Variants in AAK1 observed in about 807,000 individuals in gnomAD.
AAK1 encodes the protein AP2-associated protein kinase 1.
Under a neutral mutation model 116.0 loss-of-function variants are expected in AAK1, and 37 were observed. That is an observed-to-expected ratio of 0.32 (90% CI 0.25 to 0.42). The LOEUF is 0.42. AAK1 is among the 10% of genes least tolerant of loss of function. The pLI is 1.00. For missense variants in AAK1, 919 were observed against 1,170.6 expected (o/e 0.79, Z 3.14); for synonymous variants, 458 against 439.9 (o/e 1.04, Z -0.51).
In AAK1 at chr2:69,472,187, G is replaced by T. The variant is rs1674702896; in HGVS notation, c.*3682C>A. ...CTTTCTATTATAAGGTCCTCTCTGA[G>T]AATTTTTTGTGGATTATCCTTTTTA... On this transcript the variant is annotated 3_prime_UTR_variant, in exon 22 of 22. Coordinates refer to ENST00000409085, the MANE Select transcript of AAK1 (RefSeq NM_014911.5). The T allele has an allele frequency of 3.1e-6, 3 of 982,066 alleles. No individual in the cohort carries two copies. The South Asian group carries it at 1.4e-4, about 46-fold the overall frequency. 60.8% of individuals were successfully genotyped at this position (982,066 alleles called of 1,614,324 possible).
chr2:69,507,621 T>A, intron 14 of AAK1, 43 bp from the exon 15 acceptor site: 1 of 1,502,418 alleles, frequency 6.7e-7, no homozygotes, highest in Non-Finnish European at 8.9e-7. Context: ...GATATAAAAG[T>A]TGAACAAAAC....
In AAK1 at chr2:69,458,485, G is replaced by T. The variant is rs2104848050; in HGVS notation, c.*17384C>A. ...GTGAGCCCTACAGAGTTTCATCCTTGTGGATAAGAAGATGTGTACTTGGGA... is the reference window on the plus strand; with the variant it reads ...GTGAGCCCTACAGAGTTTCATCCTTTTGGATAAGAAGATGTGTACTTGGGA... On this transcript the variant is annotated 3_prime_UTR_variant, in exon 22 of 22. Coordinates refer to ENST00000409085, the MANE Select transcript of AAK1 (RefSeq NM_014911.5). The T allele has an allele frequency of 6.5e-6, 1 of 152,744 alleles. No individual in the cohort carries two copies. The highest frequency in any genetic ancestry group is 2.4e-5 in the African/African-American group (1 of 41,558). 9.5% of individuals were successfully genotyped at this position (152,744 alleles called of 1,614,324 possible). A position where few individuals can be genotyped will look rare whatever the true frequency, so the allele number is the denominator to read the frequency against.
At chr2:69,535,012 C>T (rs562208170) in intron 5 of AAK1, among the ~76,000 whole-genome samples, 47 of 152,346 alleles carry the variant, frequency 3.1e-4, no homozygotes, top group African/African-American at 1.0e-3. Flanking sequence ...GCTGTACACA[C>T]GCCAGGGACC....
chr2:69,563,408 A>G (rs1671729664), intron 2 of AAK1, among the ~76,000 whole-genome samples: 2 of 152,252 alleles, frequency 1.3e-5, no homozygotes, highest in African/African-American at 4.8e-5. Flanking sequence ...GAAGCCCATC[A>G]TGGTGCTGAG....
Position 69,471,763 on chromosome 2 carries a change from G to A in AAK1, c.*4106C>T. The A allele has an allele frequency of 1.0e-6, 1 of 985,454 alleles. No homozygotes were observed. The highest frequency in any genetic ancestry group is 1.2e-6 in the Non-Finnish European group (1 of 829,944). The allele number at this position is 985,454 out of a possible 1,614,324, so 61.0% of individuals were successfully genotyped here. A position where few individuals can be genotyped will look rare whatever the true frequency, so the allele number is the denominator to read the frequency against. ...TGCAGATCCCTCCACATCATAGGCT[G>A]TCAGCCCCAAAGATCCCTTCATTCC... On this transcript the variant is annotated 3_prime_UTR_variant, in exon 22 of 22. Transcript: ENST00000409085.
intron 2 of AAK1, among the ~76,000 whole-genome samples, chr2:69,557,302 T>G (rs2001327): frequency 0.043 from 4,782 of 110,562 alleles, 288 homozygotes; most frequent in East Asian, 0.18. Context: ...TCCTATGTAC[T>G]TTTTTTTTTT....
intron 2 of AAK1, among the ~76,000 whole-genome samples, chr2:69,583,624 A>C (rs1329549515): frequency 6.6e-6 from 1 of 152,212 alleles, no homozygotes; most frequent in Non-Finnish European, 1.5e-5. Flanking sequence ...TCATGGCTGA[A>C]AGTCCAAAGA....
chr2:69,496,121 A>G, intron 16 of AAK1, 41 bp from the exon 17 acceptor site: 1 of 1,448,530 alleles, frequency 6.9e-7, no homozygotes, highest in Non-Finnish European at 9.5e-7. Context: ...CAGGAGAGAA[A>G]AAAAGAGAAA....
chr2:69,555,905 G>T (rs1036638414), intron 3 of AAK1, among the ~76,000 whole-genome samples: 2 of 151,834 alleles, frequency 1.3e-5, no homozygotes, highest in Non-Finnish European at 2.9e-5. Flanking sequence ...GTAAAAGAAA[G>T]ATGCTACTCT....
chr2:69,522,454 A>G (rs1669828315), intron 10 of AAK1, among the ~76,000 whole-genome samples: 2 of 152,156 alleles, frequency 1.3e-5, no homozygotes, highest in Admixed American at 6.5e-5. Flanking sequence ...GAACCTGGGC[A>G]AGGGATGTGG....
chr2:69,518,481 A>G (rs4852807), intron 12 of AAK1, among the ~76,000 whole-genome samples: 79,072 of 148,800 alleles, frequency 0.53, 22,370 homozygotes, highest in East Asian at 0.79. Flanking sequence ...GTGCAATGGC[A>G]CGATCTCGGC....
chr2:69,520,526 T>C (rs1000073201), intron 11 of AAK1, among the ~76,000 whole-genome samples: 7 of 151,898 alleles, frequency 4.6e-5, no homozygotes, highest in African/African-American at 1.7e-4. Flanking sequence ...GCCTGGCTAA[T>C]TTTTTGTACT....
chr2:69,514,670 T>C lies in AAK1; in HGVS notation c.1577A>G (p.Gln526Arg), dbSNP rs769133254. The C allele has an allele frequency of 1.2e-6, 2 of 1,613,418 alleles. No individual in the cohort carries two copies. Among genetic ancestry groups the C allele is most frequent in the African/African-American group, 2.7e-5 (2 of 74,932 alleles). Reference protein sequence around the residue: ...PVVSQGGSQQQLMQNFYQQQQ... With the variant: ...PVVSQGGSQQRLMQNFYQQQQ... ...CTGCTGGTAGAAATTCTGCATTAGC[T>C]GCTGTTGAGAGCCTCCTTGGGACAC... The change falls in exon 13 of 22, where the codon CAG becomes CGG. Residue 526 changes from glutamine to arginine, a missense_variant. This residue lies in a region of AAK1 where 214 missense variants were observed against 210.6 expected (regional missense o/e 1.02). Coordinates refer to ENST00000409085, the MANE Select transcript of AAK1 (RefSeq NM_014911.5).
rs148429873 is a variant in AAK1, at chr2:69,600,407, T to A, written c.163+42471A>T. Among the ~76,000 whole-genome samples the A allele has an allele frequency of 2.0e-5, 3 of 152,232 alleles. No individual in the cohort carries two copies. In the East Asian group the frequency reaches 5.8e-4, roughly 29 times the overall value. ...CAAAATACCAACATTAATAGGAGTT[T>A]GGAAGAAGCTGATTCCAACTCTCAT... On this transcript the variant is annotated intron_variant, in intron 2 of 21. Transcript: ENST00000409085.
chr2:69,470,851 A>T lies in AAK1; in HGVS notation c.*5018T>A, dbSNP rs1558886927. ...TACTGTGATTAAATCCTTTCTGCAA[A>T]AAAGTGGGTTTTCAGCTCAGGAAAA... On this transcript the variant is annotated 3_prime_UTR_variant, in exon 22 of 22. Coordinates refer to ENST00000409085, the MANE Select transcript of AAK1 (RefSeq NM_014911.5). 1.0e-6 allele frequency: 1 copy of T among 985,864 alleles called. No homozygotes were observed. The allele number at this position is 985,864 out of a possible 1,614,324, so 61.1% of individuals were successfully genotyped here.
chr2:69,499,879 G>C (rs1421241709), intron 16 of AAK1: 1 of 152,090 alleles, frequency 6.6e-6, no homozygotes, highest in Non-Finnish European at 1.5e-5. Flanking sequence ...GGGGTTATAA[G>C]ATTTTATTTT....
At chr2:69,491,542 T>C (rs1473227949) in intron 17 of AAK1, among the ~76,000 whole-genome samples, 1 of 152,174 alleles carries the variant, frequency 6.6e-6, no homozygotes, top group African/African-American at 2.4e-5. Context: ...AGTTTGACAA[T>C]CACTGTATCC....
chr2:69,587,396 T>TGC, intron 2 of AAK1, among the ~76,000 whole-genome samples: 1 of 150,786 alleles, frequency 6.6e-6, no homozygotes, highest in South Asian at 2.1e-4. Flanking sequence ...CACACGTGTG[T>TGC]ACATATATAC....
chr2:69,497,608 T>C (rs1464958723), intron 16 of AAK1, among the ~76,000 whole-genome samples: 1 of 152,066 alleles, frequency 6.6e-6, no homozygotes, highest in Non-Finnish European at 1.5e-5. Context: ...CCATACATAA[T>C]CATTCTTTAC....
Sources: gnomAD v4.1 joint callset for allele counts (sites outside exome capture counted in the v4.1 genomes callset) on GRCh38, gnomAD v4.1.1 for gene constraint, gnomAD v4.1.1 regional missense constraint, MANE v1.5 for transcripts, NCBI Gene and HGNC (gene_info 2026-07-23, HGNC 2026-07-21) for gene names.